The following MECOM variants were observed in gnomAD, a reference collection of about 807,000 sequenced individuals.
MECOM encodes MDS1 and EVI1 complex locus.
A neutral mutation model predicts 116.3 loss-of-function variants in MECOM; 13 were observed. That is an observed-to-expected ratio of 0.11 (90% CI 0.07 to 0.18). MECOM has a LOEUF of 0.18. Among genes scored for constraint, MECOM ranks in the 10% least tolerant of loss-of-function variants. The pLI is 1.00. For missense variants in MECOM, 1,299 were observed against 1,509.0 expected (o/e 0.86, Z 2.31); for synonymous variants, 528 against 535.2 (o/e 0.99, Z 0.19).
chr3:169,538,318 A>G (rs1474989537), intron 1 of MECOM, among the ~76,000 whole-genome samples: 1 of 152,170 alleles, frequency 6.6e-6, no homozygotes, highest in African/African-American at 2.4e-5. Flanking sequence ...GGCCCAAGGT[A>G]TACTTTTTTT....
chr3:169,255,430 A>G (rs1331445671), intron 2 of MECOM, among the ~76,000 whole-genome samples: 2 of 151,848 alleles, frequency 1.3e-5, no homozygotes, highest in Non-Finnish European at 2.9e-5. Flanking sequence ...ACCCTCTCAT[A>G]GCGAGGAACA....
At chr3:169,594,737 A>T (rs1264116904) in intron 1 of MECOM, among the ~76,000 whole-genome samples, 1 of 151,856 alleles carries the variant, frequency 6.6e-6, no homozygotes, top group Non-Finnish European at 1.5e-5. Context: ...AACAAAGCTT[A>T]TCCTGAGTCT....
At chr3:169,295,690 T>TTTC (rs1019395944) in intron 2 of MECOM, among the ~76,000 whole-genome samples, 8 of 152,154 alleles carry the variant, frequency 5.3e-5, no homozygotes, top group Admixed American at 4.6e-4. Flanking sequence ...GAAAACTTCA[T>TTTC]TTCTTCTTCT....
At chr3:169,404,760 G>A in intron 1 of MECOM, among the ~76,000 whole-genome samples, 1 of 152,184 alleles carries the variant, frequency 6.6e-6, no homozygotes, top group Admixed American at 6.5e-5. Flanking sequence ...CAGCGCACAA[G>A]TATGATGGAT....
intron 2 of MECOM, among the ~76,000 whole-genome samples, chr3:169,178,648 A>T (rs58091852): frequency 0.11 from 17,496 of 152,274 alleles, 1,097 homozygotes; most frequent in Non-Finnish European, 0.14. Context: ...CCCCCATGAT[A>T]GGTTCTGCCA....
At chr3:169,161,924 A>G (rs1742905892) in intron 2 of MECOM, among the ~76,000 whole-genome samples, 1 of 152,108 alleles carries the variant, frequency 6.6e-6, no homozygotes, top group Non-Finnish European at 1.5e-5. Flanking sequence ...CCTCAGTCCC[A>G]TTTTTAGGTG....
At chr3:169,421,084 A>C (rs1739645368) in intron 1 of MECOM, among the ~76,000 whole-genome samples, 1 of 152,106 alleles carries the variant, frequency 6.6e-6, no homozygotes, top group African/African-American at 2.4e-5. Flanking sequence ...CTCCAGTCCC[A>C]CTGGAATGAG....
chr3:169,449,439 A>G (rs1745186859), intron 1 of MECOM, among the ~76,000 whole-genome samples: 1 of 152,196 alleles, frequency 6.6e-6, no homozygotes, highest in Admixed American at 6.5e-5. Context: ...CCAAATATGA[A>G]AATGATCTAC....
intron 1 of MECOM, among the ~76,000 whole-genome samples, chr3:169,423,796 T>G (rs6794228): frequency 0.12 from 17,838 of 152,118 alleles, 1,387 homozygotes; most frequent in East Asian, 0.35. Context: ...AAGATTCAGT[T>G]CTCCTAAGCC....
At chr3:169,650,401 T>TAAC (rs1189292186) in intron 1 of MECOM, among the ~76,000 whole-genome samples, 1 of 152,004 alleles carries the variant, frequency 6.6e-6, no homozygotes, top group Admixed American at 6.6e-5. Flanking sequence ...GGAAATCACT[T>TAAC]AACAACAACA....
chr3:169,436,469 C>G (rs1208467211), intron 1 of MECOM, among the ~76,000 whole-genome samples: 1 of 152,070 alleles, frequency 6.6e-6, no homozygotes, highest in Non-Finnish European at 1.5e-5. Context: ...AGGCTGGTCT[C>G]AAACTCCCGA....
chr3:169,489,980 G>T (rs867323263), intron 1 of MECOM, among the ~76,000 whole-genome samples: 2 of 152,044 alleles, frequency 1.3e-5, no homozygotes, highest in African/African-American at 4.8e-5. Context: ...AGATGACCTT[G>T]CAATGTATGT....
intron 1 of MECOM, among the ~76,000 whole-genome samples, chr3:169,659,989 A>ATGCAACTC (rs1776072457): frequency 6.6e-6 from 1 of 151,984 alleles, no homozygotes; most frequent in African/African-American, 2.4e-5. Context: ...TAGCTAAGGG[A>ATGCAACTC]GTTACTGGAT....
chr3:169,162,906 T>A (rs1743052662), intron 2 of MECOM, among the ~76,000 whole-genome samples: 1 of 152,122 alleles, frequency 6.6e-6, no homozygotes, highest in Non-Finnish European at 1.5e-5. Context: ...ACACTAAAGG[T>A]TCATATCCAG....
chr3:169,187,676 T>C (rs1746961360), intron 2 of MECOM, among the ~76,000 whole-genome samples: 2 of 152,068 alleles, frequency 1.3e-5, no homozygotes, highest in African/African-American at 4.8e-5. Context: ...GAATTTCCAT[T>C]CAGCTGGCCT....
chr3:169,509,868 G>A (rs1346919510), intron 1 of MECOM, among the ~76,000 whole-genome samples: 3 of 152,122 alleles, frequency 2.0e-5, no homozygotes, highest in South Asian at 2.1e-4. Flanking sequence ...CCTGCTTTGC[G>A]ATTCAGGAAG....
chr3:169,090,760 C>A (rs1410955432), intron 14 of MECOM, among the ~76,000 whole-genome samples: 1 of 151,744 alleles, frequency 6.6e-6, no homozygotes, highest in African/African-American at 2.4e-5. Flanking sequence ...ATTTGTGGTA[C>A]ATTCCACCTA....
chr3:169,147,710 A>T (rs190289322), intron 2 of MECOM: 1 of 967,846 alleles, frequency 1.0e-6, no homozygotes, highest in Non-Finnish European at 1.2e-6. Flanking sequence ...TGAAAGCACA[A>T]GTGTGGTGTG....
intron 2 of MECOM, among the ~76,000 whole-genome samples, chr3:169,160,288 T>C (rs1298513896): frequency 2.6e-5 from 4 of 151,616 alleles, no homozygotes; most frequent in Non-Finnish European, 5.9e-5. Context: ...TGAGAAAGGA[T>C]TTTTTTGGAG....
Sources: gnomAD v4.1 joint callset for allele counts (sites outside exome capture counted in the v4.1 genomes callset) on GRCh38, gnomAD v4.1.1 for gene constraint, MANE v1.5 for transcripts, NCBI Gene and HGNC (gene_info 2026-07-23, HGNC 2026-07-21) for gene names.